C4orf50: variants seen among roughly 807,000 people sequenced by gnomAD.
C4orf50 encodes the protein uncharacterized protein C4orf50.
In C4orf50, 80 loss-of-function variants were observed where a neutral mutation model predicts 77.2. The observed-to-expected ratio is 1.04, with a 90% confidence interval of 0.87 to 1.25. C4orf50 has a LOEUF of 1.25. C4orf50 is among the 50% of genes most tolerant of loss of function. The probability of loss-of-function intolerance (pLI) is 0.00; values close to 1 mark genes in which losing one functional copy is unlikely to be tolerated. For missense variants in C4orf50, 1,257 were observed against 1,152.9 expected, an observed-to-expected ratio of 1.09 and a Z score of -1.31; for synonymous variants, 532 against 465.3, an observed-to-expected ratio of 1.14 and a Z score of -1.84.
At chr4:5,964,057 C>CAGAT (rs1719415631) in intron 33 of C4orf50, among the ~76,000 whole-genome samples, 1 of 152,124 alleles carries the variant, frequency 6.6e-6, no homozygotes, top group Non-Finnish European at 1.5e-5. Flanking sequence ...TGTCTGAAGC[C>CAGAT]ATCTGAGAGC....
At chr4:6,012,196 C>T (rs1158813481) in intron 23 of C4orf50, among the ~76,000 whole-genome samples, 1 of 152,200 alleles carries the variant, frequency 6.6e-6, no homozygotes, top group Non-Finnish European at 1.5e-5. Flanking sequence ...CATCAGAAAT[C>T]TTCAACGTCC....
Position 6,008,495 on chromosome 4 carries a change from C to T in C4orf50, c.464G>A (p.Arg155Gln), listed in dbSNP as rs1256053156. 1.5e-5 allele frequency: 6 copies of T among 398,000 alleles called. No homozygotes were observed. Among genetic ancestry groups the T allele is most frequent in the South Asian group, 1.3e-4 (1 of 7,860 alleles). The allele number at this position is 398,000 out of a possible 1,614,324, so 24.7% of individuals were successfully genotyped here. Residue 155 changes from arginine (R) to glutamine (Q), a missense_variant, in exon 25 of 34, where the codon CGG becomes CAG. Arg to Gln is a conservative substitution (Grantham distance 43, BLOSUM62 1). Coordinates refer to ENST00000531445, the Ensembl canonical transcript of C4orf50. This position sits in a 1 kb window ranked among gnomAD's most constrained non-coding sequence, Gnocchi z 6.0. ...CAACCGCTCCTGCAACCGCCGCAGC[C>T]GCCACTGCTGCCGCCTGGCCACGCT...
chr4:6,014,128 G>A (rs141166770), intron 23 of C4orf50, among the ~76,000 whole-genome samples: 4,284 of 151,406 alleles, frequency 0.028, 70 homozygotes, highest in African/African-American at 0.036. Flanking sequence ...TCAGCCTCCC[G>A]AGTAGCTGGG....
chr4:6,004,618 G>A (rs1181491034), intron 25 of C4orf50, among the ~76,000 whole-genome samples: 1 of 136,148 alleles, frequency 7.3e-6, no homozygotes, highest in Non-Finnish European at 1.6e-5. Flanking sequence ...ATGTGGTGGT[G>A]ATGGTGATGG....
chr4:5,974,308 G>A (rs1193318581), intron 30 of C4orf50, among the ~76,000 whole-genome samples: 2 of 152,142 alleles, frequency 1.3e-5, no homozygotes, highest in Non-Finnish European at 2.9e-5. Flanking sequence ...TTAAAGAAAT[G>A]CTCCACAGCA....
chr4:5,902,352 A>G (rs1716375616), intron 7 of C4orf50: 1 of 152,234 alleles, frequency 6.6e-6, no homozygotes, highest in South Asian at 2.1e-4. Flanking sequence ...GAGTTTGCAG[A>G]TCAGAGAGAT....
intron 25 of C4orf50, among the ~76,000 whole-genome samples, chr4:6,003,910 T>TGG (rs1722000705): frequency 5.4e-5 from 1 of 18,506 alleles, no homozygotes; most frequent in Non-Finnish European, 1.0e-4. Flanking sequence ...GATGGTGATG[T>TGG]TGATGATGGT....
chr4:5,913,715 C>T (rs1017882466), intron 7 of C4orf50, among the ~76,000 whole-genome samples: 10 of 152,134 alleles, frequency 6.6e-5, no homozygotes, highest in South Asian at 2.1e-4. Flanking sequence ...GGCAGTAAAT[C>T]GTCCACAGAC....
chr4:5,914,257 G>T (rs6820971), intron 7 of C4orf50, among the ~76,000 whole-genome samples: 137,038 of 143,780 alleles, frequency 0.95, 65,520 homozygotes, highest in East Asian at 1. Context: ...CAGGCTGGAG[G>T]GCAGTGGCGC....
At chr4:5,966,346 G>C (rs970825107) in intron 32 of C4orf50, among the ~76,000 whole-genome samples, 18 of 152,124 alleles carry the variant, frequency 1.2e-4, no homozygotes, top group African/African-American at 4.1e-4. Context: ...ATGATAGTGG[G>C]CGCCTGCAAT....
chr4:6,012,682 AG>A (rs1722536811), intron 23 of C4orf50, among the ~76,000 whole-genome samples: 1 of 152,226 alleles, frequency 6.6e-6, no homozygotes, highest in Non-Finnish European at 1.5e-5. Context: ...GCATAGACAT[AG>A]AACCCAGACT....
exon 29 of C4orf50, chr4:5,980,239 G>T (rs1174525955): frequency 6.2e-7 from 1 of 1,612,272 alleles, no homozygotes; most frequent in Non-Finnish European, 8.5e-7. Context: ...GCAGCGCCCT[G>T]GTCCCTGAGC....
chr4:5,975,725 G>T (rs1479229375), intron 30 of C4orf50, among the ~76,000 whole-genome samples, 174 bp downstream of exon 8: 2 of 152,070 alleles, frequency 1.3e-5, no homozygotes, highest in East Asian at 3.9e-4. Context: ...CTGAGCTCAA[G>T]CAATCCACCC....
In C4orf50 at chr4:6,008,876, C is replaced by T. The variant is rs941360614; in HGVS notation, c.427-344G>A. On this transcript the variant is annotated intron_variant, in intron 24 of 33. Coordinates refer to ENST00000531445, the Ensembl canonical transcript of C4orf50. This position sits in a 1 kb window ranked among gnomAD's most constrained non-coding sequence, Gnocchi z 6.0. ...GATGTCCGGATACTGAATACGTCCG[C>T]ACCTGAGTGCACACAGCTGCTCCAG... 6.6e-6 allele frequency among the ~76,000 whole-genome samples: 1 copy of T among 152,174 alleles called. No individual in the cohort carries two copies.
intron 7 of C4orf50, among the ~76,000 whole-genome samples, chr4:5,948,624 G>C (rs1022151132): frequency 6.6e-6 from 1 of 152,062 alleles, no homozygotes; most frequent in Non-Finnish European, 1.5e-5. Context: ...GTGAAATCCC[G>C]TCTCTAATAA....
In C4orf50 at chr4:6,012,930, T is replaced by C. The variant is rs552459658; in HGVS notation, c.288-962A>G. On this transcript the variant is annotated intron_variant, in intron 23 of 33. Transcript: ENST00000531445. ...ACAGCCTCCATGCCTAAGCTCTACA[T>C]ATCCTCACTCCTTCCCAAGTCCACG... 9.2e-5 allele frequency among the ~76,000 whole-genome samples: 14 copies of C among 152,268 alleles called. No individual in the cohort carries two copies. In the South Asian group the frequency reaches 1.2e-3, roughly 14 times the overall value.
At chr4:5,911,039 G>A (rs935392990) in intron 7 of C4orf50, among the ~76,000 whole-genome samples, 1 of 151,092 alleles carries the variant, frequency 6.6e-6, no homozygotes, top group Non-Finnish European at 1.5e-5. Context: ...CCAAGTAGCT[G>A]GGACTACAGG....
chr4:5,955,136 GT>G (rs1174557023), downstream of C4orf50, among the ~76,000 whole-genome samples: 8 of 152,060 alleles, frequency 5.3e-5, no homozygotes, highest in Non-Finnish European at 1.2e-4. The surrounding 1 kb of genome is among the most constrained non-coding windows in gnomAD (Gnocchi z 5.1). Context: ...TTTTCATTCT[GT>G]TTTTTAAAAA....
At chr4:5,931,130 T>C (rs1342302305) in intron 7 of C4orf50, among the ~76,000 whole-genome samples, 2 of 152,180 alleles carry the variant, frequency 1.3e-5, no homozygotes, top group East Asian at 3.8e-4. Context: ...CAGGCCCAGC[T>C]GAAAAGGAAC....
Sources: gnomAD v4.1 joint callset for allele counts (sites outside exome capture counted in the v4.1 genomes callset) on GRCh38, gnomAD v4.1.1 for gene constraint, Gnocchi (gnomAD v3.1) non-coding constraint, MANE v1.5 for transcripts, NCBI Gene and HGNC (gene_info 2026-07-23, HGNC 2026-07-21) for gene names.